ITGBL1: variants seen among roughly 807,000 people sequenced by gnomAD.
The protein encoded by ITGBL1 is integrin subunit beta like 1.
In ITGBL1, 51 loss-of-function variants were observed where a neutral mutation model predicts 68.5. The observed-to-expected ratio is 0.74, with a 90% CI of 0.59 to 0.94. ITGBL1 has a LOEUF of 0.94. ITGBL1 is among the 40% of genes least tolerant of loss of function. The pLI is 0.00. For synonymous variants in ITGBL1, 209 were observed against 227.3 expected, an observed-to-expected ratio of 0.92 and a Z score of 0.72; for missense variants, 649 against 647.4, an observed-to-expected ratio of 1.00 and a Z score of -0.03.
chr13:101,484,561 C>T (rs1228248195), intron 2 of ITGBL1, among the ~76,000 whole-genome samples: 2 of 151,976 alleles, frequency 1.3e-5, no homozygotes, highest in Non-Finnish European at 2.9e-5. Context: ...ATGGAGCATT[C>T]GAAGCTATCC....
intron 7 of ITGBL1, among the ~76,000 whole-genome samples, chr13:101,605,610 G>A (rs763768935): frequency 7.3e-5 from 11 of 150,134 alleles, no homozygotes; most frequent in South Asian, 2.1e-4. Context: ...GTGTATATGC[G>A]TATATATATA....
chr13:101,647,125 G>C (rs1193886919), intron 7 of ITGBL1, among the ~76,000 whole-genome samples: 5 of 152,074 alleles, frequency 3.3e-5, no homozygotes, highest in Admixed American at 2.0e-4. Context: ...CATGATGTTT[G>C]TTATTCACTG....
intron 7 of ITGBL1, among the ~76,000 whole-genome samples, chr13:101,629,401 A>G (rs1373080227): frequency 6.6e-6 from 1 of 152,136 alleles, no homozygotes; most frequent in African/African-American, 2.4e-5. Flanking sequence ...TATTTTATAA[A>G]ATACACTGCA....
At chr13:101,717,916 A>T (rs1395730407), downstream of ITGBL1, 1 of 152,140 alleles carries the variant, frequency 6.6e-6, no homozygotes, top group Non-Finnish European at 1.5e-5. Context: ...CAACTACAAC[A>T]AAAGTGCTGC....
intron 2 of ITGBL1, among the ~76,000 whole-genome samples, chr13:101,557,256 G>C (rs571163110): frequency 3.9e-5 from 6 of 152,312 alleles, no homozygotes; most frequent in East Asian, 1.9e-4. Context: ...ACACTGGAAG[G>C]CATGTTAAAT....
intron 7 of ITGBL1, among the ~76,000 whole-genome samples, chr13:101,675,146 G>C (rs1416838295): frequency 1.3e-5 from 2 of 151,950 alleles, no homozygotes; most frequent in African/African-American, 4.8e-5. Context: ...ATTTGTTTTG[G>C]TAATTCAGTT....
At chr13:101,512,513 A>C (rs1430274004) in intron 2 of ITGBL1, among the ~76,000 whole-genome samples, 1 of 152,146 alleles carries the variant, frequency 6.6e-6, no homozygotes, top group African/African-American at 2.4e-5. Context: ...GGTAACCTTG[A>C]GTGGACATGA....
chr13:101,560,028 A>AT (rs938990432), intron 2 of ITGBL1, among the ~76,000 whole-genome samples: 9 of 151,952 alleles, frequency 5.9e-5, no homozygotes, highest in Admixed American at 3.3e-4. Flanking sequence ...CCTAAGGAAC[A>AT]TTTTTTTTCT....
intron 2 of ITGBL1, among the ~76,000 whole-genome samples, chr13:101,481,270 A>G (rs1360392023): frequency 1.3e-5 from 2 of 151,858 alleles, no homozygotes; most frequent in East Asian, 3.9e-4. Flanking sequence ...TTTCTGGGAC[A>G]TCACTCTTGG....
chr13:101,674,539 CTTTCTA>C (rs368357674), intron 7 of ITGBL1, among the ~76,000 whole-genome samples: 255 of 152,112 alleles, frequency 1.7e-3, no homozygotes, highest in African/African-American at 4.8e-3. Flanking sequence ...AAGGAAGTTA[CTTTCTA>C]TTTCTTTCTT....
intron 2 of ITGBL1, among the ~76,000 whole-genome samples, chr13:101,512,193 G>C (rs1029813507): frequency 5.9e-5 from 9 of 152,008 alleles, no homozygotes; most frequent in African/African-American, 2.2e-4. Flanking sequence ...TGTGTTTGAT[G>C]ATCTGATCTC....
chr13:101,695,835 C>T (rs1291175786), intron 8 of ITGBL1, among the ~76,000 whole-genome samples: 1 of 152,136 alleles, frequency 6.6e-6, no homozygotes, highest in Non-Finnish European at 1.5e-5. Context: ...TGCTCATGGT[C>T]ATAATGATTT....
chr13:101,557,256 G>A (rs571163110), intron 2 of ITGBL1, among the ~76,000 whole-genome samples: 41 of 152,194 alleles, frequency 2.7e-4, no homozygotes, highest in Non-Finnish European at 5.4e-4. Flanking sequence ...ACACTGGAAG[G>A]CATGTTAAAT....
At chr13:101,580,538 C>T (rs1261695566) in intron 5 of ITGBL1, among the ~76,000 whole-genome samples, 1 of 152,126 alleles carries the variant, frequency 6.6e-6, no homozygotes, top group African/African-American at 2.4e-5. Flanking sequence ...GTGCTGCACC[C>T]ATTAACTTAT....
chr13:101,572,592 C>T (rs1467150146), intron 3 of ITGBL1, among the ~76,000 whole-genome samples: 2 of 152,074 alleles, frequency 1.3e-5, no homozygotes, highest in Non-Finnish European at 2.9e-5. Context: ...CTGTGTGTGT[C>T]ATAGCATGAG....
At chr13:101,671,296 G>T (rs1258986484) in intron 7 of ITGBL1, among the ~76,000 whole-genome samples, 2 of 151,968 alleles carry the variant, frequency 1.3e-5, no homozygotes, top group African/African-American at 4.8e-5. Flanking sequence ...AACTAACAAA[G>T]ATGATGTTTT....
chr13:101,601,646 C>T (rs1038244558), intron 7 of ITGBL1, among the ~76,000 whole-genome samples: 17 of 152,138 alleles, frequency 1.1e-4, no homozygotes, highest in Non-Finnish European at 2.1e-4. Context: ...TCTTTGTTCT[C>T]ATTGGTTTCA....
rs569783964 is a variant in ITGBL1 at position 101,715,799 on chromosome 13, G to A, written c.*145G>A. The A allele has an allele frequency of 9.3e-6, 5 of 539,924 alleles. No individual in the cohort carries two copies. Among genetic ancestry groups the A allele is most frequent in the East Asian group, 8.8e-5 (3 of 34,080 alleles). The allele number at this position is 539,924 out of a possible 1,614,324, so 33.4% of individuals were successfully genotyped here. A position where few individuals can be genotyped will look rare whatever the true frequency, so the allele number is the denominator to read the frequency against. ...TATTTCTGAATTACGAATGAAATCC[G>A]AGTACCTATTAGAAATGAGTTATGC... is the stretch of plus-strand genomic sequence containing the variant. On this transcript the variant is annotated 3_prime_UTR_variant, in exon 11 of 11. Coordinates refer to ENST00000376180, the MANE Select transcript of ITGBL1 (RefSeq NM_004791.3).
chr13:101,587,043 T>C (rs1386352391), intron 6 of ITGBL1, among the ~76,000 whole-genome samples: 1 of 152,176 alleles, frequency 6.6e-6, no homozygotes, highest in African/African-American at 2.4e-5. Context: ...TGAACTTTTA[T>C]TTTTAGCTCC....
Sources: gnomAD v4.1 joint callset for allele counts (sites outside exome capture counted in the v4.1 genomes callset) on GRCh38, gnomAD v4.1.1 for gene constraint, MANE v1.5 for transcripts, NCBI Gene and HGNC (gene_info 2026-07-23, HGNC 2026-07-21) for gene names.